The following SEMA3C variants were observed in gnomAD, a reference collection of about 807,000 sequenced individuals.
The protein encoded by SEMA3C is semaphorin 3C.
In SEMA3C, 47 loss-of-function variants were observed where a neutral mutation model predicts 89.4. The ratio of observed to expected loss-of-function variants is 0.53; its 90% CI spans 0.42 to 0.67. The LOEUF is 0.67. Ranked by LOEUF, SEMA3C falls within the 30% of genes least tolerant of loss-of-function variation. SEMA3C has a pLI of 0.00. For missense variants in SEMA3C, 839 were observed against 929.1 expected, an observed-to-expected ratio of 0.90 and a Z score of 1.26; for synonymous variants, 310 against 320.2, an observed-to-expected ratio of 0.97 and a Z score of 0.34.
At chr7:80,865,725 G>T (rs1021659586) in intron 2 of SEMA3C, among the ~76,000 whole-genome samples, 2 of 152,128 alleles carry the variant, frequency 1.3e-5, no homozygotes, top group South Asian at 2.1e-4. Flanking sequence ...AACCCGGGAG[G>T]GGGGGTTACA....
intron 11 of SEMA3C, among the ~76,000 whole-genome samples, chr7:80,795,739 T>A (rs938570697): frequency 6.6e-6 from 1 of 152,210 alleles, no homozygotes; most frequent in African/African-American, 2.4e-5. Flanking sequence ...AGGTGCCTTT[T>A]AAGTTGTCAC....
chr7:80,743,115 A>G lies in SEMA3C; in HGVS notation c.*1779T>C, dbSNP rs1299146920. 1 of 151,948 alleles carries G rather than the reference A, an allele frequency of 6.6e-6. No homozygotes were observed. Among genetic ancestry groups the G allele is most frequent in the Non-Finnish European group, 1.5e-5 (1 of 67,852 alleles). 9.4% of individuals were successfully genotyped at this position (151,948 alleles called of 1,614,324 possible). A position where few individuals can be genotyped will look rare whatever the true frequency, so the allele number is the denominator to read the frequency against. ...TTGACACATTTCTGTGTGTCAATGT[A>G]GAAGAGAAAAGAAGTTTAATTATAC... is the stretch of plus-strand genomic sequence containing the variant. On this transcript the variant is annotated 3_prime_UTR_variant, in exon 18 of 18. Transcript: ENST00000265361.
chr7:80,897,104 A>G (rs1409471372), intron 2 of SEMA3C, among the ~76,000 whole-genome samples: 1 of 152,188 alleles, frequency 6.6e-6, no homozygotes, highest in Non-Finnish European at 1.5e-5. Context: ...TTGGAATGTT[A>G]GCAATTCTAC....
rs780565511 is a variant in SEMA3C at position 80,916,733 on chromosome 7, T to C, written c.49A>G (p.Ile17Val). Reference sequence around the variant, plus strand: ...GGCTGGGAAGATCCTTTCACACAGATAGAACAAATAAATACTCCAACCAAC... The same window carrying C: ...GGCTGGGAAGATCCTTTCACACAGACAGAACAAATAAATACTCCAACCAAC... ...CVLVGVFICS[I>V]CVKGSSQPQA... Residue 17 changes from isoleucine (I) to valine (V), a missense_variant, in exon 2 of 18, where the codon ATC becomes GTC. By Grantham distance (29) the Ile-to-Val change is conservative. Transcript: ENST00000265361. 5.6e-6 allele frequency: 9 copies of C among 1,613,664 alleles called. No individual in the cohort carries two copies. The South Asian group carries it at 7.7e-5, about 14-fold the overall frequency.
chr7:80,780,126 C>T (rs1788659051), intron 12 of SEMA3C, among the ~76,000 whole-genome samples: 1 of 152,144 alleles, frequency 6.6e-6, no homozygotes, highest in African/African-American at 2.4e-5. Context: ...AGTCTTAAGC[C>T]ACAAATTTTG....
chr7:80,841,559 A>G (rs2115881139), intron 2 of SEMA3C, among the ~76,000 whole-genome samples: 1 of 152,282 alleles, frequency 6.6e-6, no homozygotes, highest in South Asian at 2.1e-4. Flanking sequence ...AAACATCAGC[A>G]TCTAACTGGA....
At chr7:80,824,910 A>G (rs1789835452) in intron 4 of SEMA3C, among the ~76,000 whole-genome samples, 1 of 152,146 alleles carries the variant, frequency 6.6e-6, no homozygotes, top group African/African-American at 2.4e-5. Flanking sequence ...TTTTTTCTGA[A>G]TATCAGTGTA....
chr7:80,844,811 C>T (rs757839306), intron 2 of SEMA3C, among the ~76,000 whole-genome samples: 2 of 152,086 alleles, frequency 1.3e-5, no homozygotes, highest in African/African-American at 2.4e-5. Context: ...AGTGCAAACT[C>T]GACCATCAAT....
intron 7 of SEMA3C, 74 bp downstream of exon 7, chr7:80,805,565 T>C (rs1789319063): frequency 1.5e-6 from 2 of 1,295,426 alleles, no homozygotes; most frequent in African/African-American, 1.5e-5. Flanking sequence ...CCATTTTCCC[T>C]AGTTGTTAGG....
At chr7:80,881,209 A>ACACACTCT (rs1554387804) in intron 2 of SEMA3C, among the ~76,000 whole-genome samples, 2 of 136,930 alleles carry the variant, frequency 1.5e-5, no homozygotes, top group Admixed American at 1.5e-4. Context: ...ACACACACAC[A>ACACACTCT]CTCTCTCTCA....
chr7:80,817,960 T>A (rs1789648321), intron 5 of SEMA3C, among the ~76,000 whole-genome samples: 1 of 152,044 alleles, frequency 6.6e-6, no homozygotes, highest in Non-Finnish European at 1.5e-5. Context: ...AATTATAACA[T>A]TTTTCTTTCA....
intron 2 of SEMA3C, among the ~76,000 whole-genome samples, chr7:80,908,964 C>A (rs1042883308): frequency 6.6e-6 from 1 of 151,950 alleles, no homozygotes; most frequent in African/African-American, 2.4e-5. Flanking sequence ...AGGAATACAA[C>A]AGCTTTTTTC....
At chr7:80,878,118 C>G (rs1410192377) in intron 2 of SEMA3C, among the ~76,000 whole-genome samples, 1 of 152,174 alleles carries the variant, frequency 6.6e-6, no homozygotes, top group South Asian at 2.1e-4. Flanking sequence ...TGGCTCACAC[C>G]TGTAATCCCA....
intron 11 of SEMA3C, among the ~76,000 whole-genome samples, chr7:80,790,753 GC>G (rs1477329599): frequency 6.6e-6 from 1 of 152,106 alleles, no homozygotes; most frequent in Non-Finnish European, 1.5e-5. Context: ...TTTCTTCACA[GC>G]CCTATTTACC....
chr7:80,868,206 C>T (rs1437169396), intron 2 of SEMA3C, among the ~76,000 whole-genome samples: 1 of 152,240 alleles, frequency 6.6e-6, no homozygotes, highest in South Asian at 2.1e-4. Context: ...CTTGAGAAAG[C>T]ATGAAGAATA....
chr7:80,772,562 G>A (rs1171304058), intron 12 of SEMA3C, among the ~76,000 whole-genome samples: 1 of 152,128 alleles, frequency 6.6e-6, no homozygotes. Context: ...CATCTCAAGT[G>A]TCTGTATTTG....
At chr7:80,854,753 A>G (rs1790595109) in intron 2 of SEMA3C, among the ~76,000 whole-genome samples, 1 of 152,220 alleles carries the variant, frequency 6.6e-6, no homozygotes. Context: ...TACCTAACTT[A>G]CTGTTCACCT....
At chr7:80,922,220 C>T (rs971784839), upstream of SEMA3C, 9 of 1,279,296 alleles carry the variant, frequency 7.0e-6, no homozygotes, top group East Asian at 5.6e-5. Flanking sequence ...GCGTGATTGC[C>T]GTAATGTCTC....
intron 4 of SEMA3C, among the ~76,000 whole-genome samples, chr7:80,824,150 C>A (rs1412157353): frequency 3.9e-5 from 6 of 152,090 alleles, no homozygotes; most frequent in Non-Finnish European, 5.9e-5. Context: ...GGATGCTTAA[C>A]TCTGTTTTAT....
Sources: gnomAD v4.1 joint callset for allele counts (sites outside exome capture counted in the v4.1 genomes callset) on GRCh38, gnomAD v4.1.1 for gene constraint, MANE v1.5 for transcripts, NCBI Gene and HGNC (gene_info 2026-07-23, HGNC 2026-07-21) for gene names.